Variants in LPP observed in about 807,000 individuals in gnomAD.
LPP encodes LIM domain containing preferred translocation partner in lipoma.
LPP carries 38 observed loss-of-function variants against 60.4 expected under a neutral mutation model. That is an observed-to-expected ratio of 0.63 (90% CI 0.49 to 0.83). The LOEUF is 0.83. Ranked by LOEUF, LPP falls within the 40% of genes least tolerant of loss-of-function variation. LPP has a pLI of 0.00. For missense variants in LPP, 902 were observed against 783.6 expected (o/e 1.15, Z -1.80); for synonymous variants, 328 against 290.8 (o/e 1.13, Z -1.30).
intron 8 of LPP, among the ~76,000 whole-genome samples, chr3:188,720,606 TA>T (rs535969624): frequency 0.038 from 4,855 of 127,758 alleles, 117 homozygotes; most frequent in African/African-American, 0.083. Context: ...CCGAGGCAAT[TA>T]AAAAAAAAAA....
chr3:188,548,859 C>A (rs1827337473), intron 6 of LPP, among the ~76,000 whole-genome samples: 1 of 152,152 alleles, frequency 6.6e-6, no homozygotes, highest in South Asian at 2.1e-4. Context: ...CCAACACTAT[C>A]AAGTGAGATG....
chr3:188,196,769 T>G lies in LPP; in HGVS notation c.-189-28636T>G, dbSNP rs140601386. Among the ~76,000 whole-genome samples the G allele has an allele frequency of 3.2e-3, 493 of 152,292 alleles. 4 individuals are homozygous for G. Among genetic ancestry groups the G allele is most frequent in the African/African-American group, 0.011 (475 of 41,562 alleles). The stretch of plus-strand genomic sequence containing the variant: ...AGGAAGTGGTTTGACCCCTGCCTCT[T>G]TCTGTCCTCATCTCACTAATCTCCA... On this transcript the variant is annotated intron_variant, in intron 1 of 11. Coordinates refer to ENST00000617246, the MANE Select transcript of LPP (RefSeq NM_001375462.1).
At chr3:188,441,781 C>T (rs544270183) in intron 4 of LPP, among the ~76,000 whole-genome samples, 182 of 151,522 alleles carry the variant, frequency 1.2e-3, no homozygotes, top group East Asian at 1.4e-3. Flanking sequence ...CCACCACGCC[C>T]GGCTAATTTT....
intron 2 of LPP, among the ~76,000 whole-genome samples, chr3:188,231,575 C>T (rs1479932): frequency 0.026 from 4,002 of 152,014 alleles, 181 homozygotes; most frequent in African/African-American, 0.092. Flanking sequence ...AAGGTTCTTG[C>T]TTGAGCCCCT....
chr3:188,155,639 A>G (rs1716084514), intron 1 of LPP, among the ~76,000 whole-genome samples: 1 of 152,170 alleles, frequency 6.6e-6, no homozygotes, highest in South Asian at 2.1e-4. Flanking sequence ...GGGGGTTAGG[A>G]CATCCAATAT....
chr3:188,751,858 C>T (rs1312431051), intron 8 of LPP, among the ~76,000 whole-genome samples: 2 of 152,148 alleles, frequency 1.3e-5, no homozygotes, highest in African/African-American at 4.8e-5. Context: ...ATTATCATCA[C>T]CCCGGGGTCT....
At chr3:188,398,051 A>G (rs1405016522) in intron 3 of LPP, among the ~76,000 whole-genome samples, 1 of 152,186 alleles carries the variant, frequency 6.6e-6, no homozygotes, top group African/African-American at 2.4e-5. Flanking sequence ...AAGAACAAGG[A>G]GTGCACCATT....
chr3:188,681,689 A>G (rs1859551707), intron 7 of LPP, among the ~76,000 whole-genome samples: 1 of 152,200 alleles, frequency 6.6e-6, no homozygotes, highest in Admixed American at 6.5e-5. Flanking sequence ...GAGGAAGGAA[A>G]TCGTGTAATT....
chr3:188,472,332 AGGT>A (rs1489320671), intron 4 of LPP, among the ~76,000 whole-genome samples: 1 of 152,166 alleles, frequency 6.6e-6, no homozygotes, highest in Non-Finnish European at 1.5e-5. Context: ...TTCAGCTAGC[AGGT>A]GGTGAAGTAA....
intron 9 of LPP, among the ~76,000 whole-genome samples, chr3:188,823,558 C>A: frequency 6.6e-6 from 1 of 152,224 alleles, no homozygotes; most frequent in East Asian, 1.9e-4. Context: ...GAAAATGTTT[C>A]GTTTTACTAA....
At chr3:188,160,146 G>A (rs1370436650) in intron 1 of LPP, among the ~76,000 whole-genome samples, 3 of 150,866 alleles carry the variant, frequency 2.0e-5, no homozygotes, top group Non-Finnish European at 4.4e-5. Flanking sequence ...TCCTGACCTC[G>A]TGATCCACCT....
At chr3:188,492,167 C>T (rs1268371573) in intron 5 of LPP, among the ~76,000 whole-genome samples, 1 of 152,128 alleles carries the variant, frequency 6.6e-6, no homozygotes, top group Non-Finnish European at 1.5e-5. Context: ...TTAGCTTTGC[C>T]TTAGCTCCTG....
chr3:188,669,105 A>G (rs1856410916), intron 7 of LPP, among the ~76,000 whole-genome samples: 1 of 152,182 alleles, frequency 6.6e-6, no homozygotes, highest in Non-Finnish European at 1.5e-5. Flanking sequence ...GAAAATTGAG[A>G]AGGGAAGTGA....
intron 1 of LPP, among the ~76,000 whole-genome samples, chr3:188,192,887 A>T (rs1728563678): frequency 6.6e-6 from 1 of 152,218 alleles, no homozygotes; most frequent in African/African-American, 2.4e-5. Context: ...CTCCGGAAAG[A>T]CGAGGCCTCA....
At chr3:188,166,608 A>G (rs1330974803) in intron 1 of LPP, among the ~76,000 whole-genome samples, 2 of 152,228 alleles carry the variant, frequency 1.3e-5, no homozygotes, top group African/African-American at 2.4e-5. Flanking sequence ...GAACCTGGGA[A>G]AGGTTAAATG....
intron 4 of LPP, among the ~76,000 whole-genome samples, chr3:188,453,285 G>A (rs202075404): frequency 6.6e-5 from 10 of 152,176 alleles, no homozygotes; most frequent in South Asian, 2.1e-4. Context: ...TCTCTAGGAC[G>A]CCTTTATCTG....
In LPP at chr3:188,217,050, C is replaced by T. The variant is rs1054529405; in HGVS notation, c.-189-8355C>T. ...GCAAAGAGTAAGACACACACAACAA[C>T]GATCTCTTGGTGCTTACACGCTGCT... is the stretch of plus-strand genomic sequence containing the variant. On this transcript the variant is annotated intron_variant, in intron 1 of 11. Coordinates refer to ENST00000617246, the MANE Select transcript of LPP (RefSeq NM_001375462.1). This position sits in a 1 kb window ranked among gnomAD's most constrained non-coding sequence, Gnocchi z 4.0. 6.6e-6 allele frequency among the ~76,000 whole-genome samples: 1 copy of T among 152,198 alleles called. No individual in the cohort carries two copies. Among genetic ancestry groups the T allele is most frequent in the Admixed American group, 6.5e-5 (1 of 15,280 alleles).
At chr3:188,797,917 T>A (rs1745862731) in intron 9 of LPP, among the ~76,000 whole-genome samples, 1 of 152,214 alleles carries the variant, frequency 6.6e-6, no homozygotes, top group Non-Finnish European at 1.5e-5. Context: ...CATTGAACTC[T>A]ATGATGAAAC....
chr3:188,207,007 C>G (rs944809509), intron 1 of LPP, among the ~76,000 whole-genome samples: 4 of 152,118 alleles, frequency 2.6e-5, no homozygotes, highest in Non-Finnish European at 5.9e-5. Flanking sequence ...TTTTCTTAAA[C>G]TCATCAATGG....
Sources: allele counts gnomAD v4.1 joint callset (sites outside exome capture counted in the v4.1 genomes callset), GRCh38; gene constraint gnomAD v4.1.1; non-coding constraint Gnocchi (gnomAD v3.1); transcripts MANE v1.5; gene names NCBI Gene and HGNC (gene_info 2026-07-23, HGNC 2026-07-21).